The following SYT1 variants were observed in gnomAD, a reference collection of about 807,000 sequenced individuals.
The protein encoded by SYT1 is synaptotagmin 1, also known as synaptotagmin-1.
Under a neutral mutation model 44.8 loss-of-function variants are expected in SYT1, and 8 were observed. That is an observed-to-expected ratio of 0.18 (90% CI 0.10 to 0.32). SYT1 has a LOEUF of 0.32. Ranked by LOEUF, SYT1 falls within the 10% of genes least tolerant of loss-of-function variation. The probability of loss-of-function intolerance (pLI) is 1.00; values close to 1 mark genes in which losing one functional copy is unlikely to be tolerated. For missense variants in SYT1, 286 were observed against 509.3 expected (o/e 0.56, Z 4.22); for synonymous variants, 154 against 188.8 (o/e 0.82, Z 1.51).
intron 1 of SYT1, among the ~76,000 whole-genome samples, chr12:78,944,698 C>T (rs1422473377): frequency 1.3e-5 from 2 of 152,036 alleles, no homozygotes; most frequent in Non-Finnish European, 2.9e-5. Flanking sequence ...TAATTCAAAA[C>T]AGAAATATGC....
intron 3 of SYT1, among the ~76,000 whole-genome samples, chr12:79,080,048 C>T (rs1051585245): frequency 2.6e-5 from 4 of 152,094 alleles, no homozygotes; most frequent in South Asian, 2.1e-4. Context: ...TTCTATTATT[C>T]GCCAGTGAGT....
intron 4 of SYT1, among the ~76,000 whole-genome samples, chr12:79,222,659 A>T (rs1875245722): frequency 6.6e-6 from 1 of 152,184 alleles, no homozygotes. Flanking sequence ...CTGGGATTCC[A>T]GGCGTGAGCC....
At chr12:79,340,735 G>T (rs1274333667) in intron 8 of SYT1, among the ~76,000 whole-genome samples, 3 of 152,146 alleles carry the variant, frequency 2.0e-5, no homozygotes, top group African/African-American at 7.2e-5. Context: ...CCATTAGGGG[G>T]TGAAACAGTG....
intron 2 of SYT1, among the ~76,000 whole-genome samples, chr12:79,016,070 T>A (rs942530491): frequency 2.6e-5 from 4 of 152,206 alleles, no homozygotes; most frequent in Non-Finnish European, 5.9e-5. Flanking sequence ...CACATTCAGC[T>A]AATACAACTG....
At chr12:78,900,480 C>T in intron 1 of SYT1, among the ~76,000 whole-genome samples, 1 of 151,976 alleles carries the variant, frequency 6.6e-6, no homozygotes, top group South Asian at 2.1e-4. Context: ...CTCCTTTGAA[C>T]TGAGATCCAA....
At chr12:79,071,308 T>C (rs1765076738) in intron 3 of SYT1, among the ~76,000 whole-genome samples, 1 of 152,164 alleles carries the variant, frequency 6.6e-6, no homozygotes, top group Non-Finnish European at 1.5e-5. Flanking sequence ...CCAGACACTA[T>C]TATGAGTTCT....
chr12:79,291,433 G>T (rs1286056010), intron 5 of SYT1, among the ~76,000 whole-genome samples: 2 of 152,138 alleles, frequency 1.3e-5, no homozygotes, highest in African/African-American at 4.8e-5. Context: ...TCTAAACACG[G>T]ATTTGCTGGT....
At chr12:79,115,807 A>C (rs946562777) in intron 3 of SYT1, among the ~76,000 whole-genome samples, 1 of 152,182 alleles carries the variant, frequency 6.6e-6, no homozygotes, top group East Asian at 1.9e-4. Flanking sequence ...ATTGCTCAGC[A>C]TGCCATCCAG....
At chr12:79,100,815 C>T (rs566913887) in intron 3 of SYT1, among the ~76,000 whole-genome samples, 1 of 152,096 alleles carries the variant, frequency 6.6e-6, no homozygotes, top group Non-Finnish European at 1.5e-5. Context: ...ACCTTTAGAA[C>T]ACATAAATGT....
At chr12:79,050,658 T>G (rs1363616833) in intron 3 of SYT1, among the ~76,000 whole-genome samples, 1 of 152,086 alleles carries the variant, frequency 6.6e-6, no homozygotes, top group Non-Finnish European at 1.5e-5. Flanking sequence ...TGACAACTAT[T>G]AACAACACTG....
intron 3 of SYT1, among the ~76,000 whole-genome samples, chr12:79,160,339 A>G (rs1378564079): frequency 6.6e-6 from 1 of 152,154 alleles, no homozygotes; most frequent in African/African-American, 2.4e-5. Flanking sequence ...TCAGAAAAGA[A>G]GATAGAACTA....
At chr12:78,867,164 G>A (rs1369045862) in intron 1 of SYT1, among the ~76,000 whole-genome samples, 1 of 151,882 alleles carries the variant, frequency 6.6e-6, no homozygotes, top group East Asian at 1.9e-4. Flanking sequence ...TACCTCACAT[G>A]TATGTACAAC....
intron 3 of SYT1, among the ~76,000 whole-genome samples, chr12:79,067,330 CT>C (rs1230237295): frequency 6.6e-6 from 1 of 151,892 alleles, no homozygotes; most frequent in Non-Finnish European, 1.5e-5. Context: ...ACTTTAAGTT[CT>C]GCTCTCTATA....
chr12:79,243,067 T>TA (rs1312052005), intron 4 of SYT1, among the ~76,000 whole-genome samples: 2 of 152,088 alleles, frequency 1.3e-5, no homozygotes, highest in Non-Finnish European at 2.9e-5. Context: ...CTGCCCTTTA[T>TA]AAAACCATCA....
chr12:79,056,645 A>G (rs922790932), intron 3 of SYT1, among the ~76,000 whole-genome samples: 1 of 152,062 alleles, frequency 6.6e-6, no homozygotes, highest in African/African-American at 2.4e-5. Context: ...AATAAATTAC[A>G]TCCCACACAT....
chr12:78,919,188 AT>A (rs995033664), intron 1 of SYT1, among the ~76,000 whole-genome samples: 4 of 151,996 alleles, frequency 2.6e-5, no homozygotes, highest in Non-Finnish European at 2.9e-5. Context: ...GTGTAATTAA[AT>A]TTTTTTTAAA....
intron 3 of SYT1, among the ~76,000 whole-genome samples, chr12:79,160,167 G>A (rs61927311): frequency 0.06 from 9,154 of 152,150 alleles, 311 homozygotes; most frequent in African/African-American, 0.076. Flanking sequence ...TTTAAGTGAT[G>A]TCTAAGATGG....
intron 8 of SYT1, among the ~76,000 whole-genome samples, chr12:79,344,077 G>A (rs1592984486): frequency 6.6e-6 from 1 of 152,158 alleles, no homozygotes; most frequent in African/African-American, 2.4e-5. Flanking sequence ...AGAACCTTCA[G>A]GACTGTGTTA....
chr12:79,348,744 G>A (rs1016688049), intron 8 of SYT1, among the ~76,000 whole-genome samples: 3 of 152,010 alleles, frequency 2.0e-5, no homozygotes, highest in Non-Finnish European at 2.9e-5. Flanking sequence ...GGAGGTGGAG[G>A]TGATTGAAAT....
Sources: gnomAD v4.1 joint callset for allele counts (sites outside exome capture counted in the v4.1 genomes callset) on GRCh38, gnomAD v4.1.1 for gene constraint, MANE v1.5 for transcripts, NCBI Gene and HGNC (gene_info 2026-07-23, HGNC 2026-07-21) for gene names.